Variants in SAMD5 observed in about 807,000 individuals in gnomAD.
SAMD5 encodes sterile alpha motif domain-containing protein 5.
In SAMD5, 13 loss-of-function variants were observed where a neutral mutation model predicts 11.3. That is an observed-to-expected ratio of 1.15 (90% CI 0.75 to 1.83). The LOEUF (loss-of-function observed/expected upper bound fraction) is 1.83. SAMD5 is among the 40% of genes most tolerant of loss of function. The probability of loss-of-function intolerance (pLI) is 0.00; values close to 1 mark genes in which losing one functional copy is unlikely to be tolerated. For missense variants in SAMD5, 255 were observed against 239.1 expected (o/e 1.07, Z -0.44); for synonymous variants, 129 against 111.3 (o/e 1.16, Z -1.00).
chr6:147,896,411 T>G, the SAMD5 span, among the ~76,000 whole-genome samples: 3 of 152,096 alleles, frequency 2.0e-5, no homozygotes, highest in East Asian at 5.8e-4. Flanking sequence ...CAATTCATTC[T>G]GCCTGTGGAC....
At chr6:147,618,146 A>G (rs1012063830) in intron 1 of SAMD5, among the ~76,000 whole-genome samples, 1 of 152,240 alleles carries the variant, frequency 6.6e-6, no homozygotes, top group African/African-American at 2.4e-5. Flanking sequence ...ACTAAGGCAA[A>G]GAGGTGAAGT....
intron 1 of SAMD5, among the ~76,000 whole-genome samples, chr6:147,526,939 C>T (rs545593174): frequency 6.6e-6 from 1 of 152,254 alleles, no homozygotes; most frequent in Admixed American, 6.5e-5. Context: ...ATTACCTAAC[C>T]CTGTTTATTT....
the SAMD5 span, among the ~76,000 whole-genome samples, chr6:147,903,685 G>A: frequency 6.6e-6 from 1 of 152,160 alleles, no homozygotes; most frequent in African/African-American, 2.4e-5. Context: ...AGAGGTGGGT[G>A]GATCACAAGG....
At chr6:147,730,063 T>TGACAGAGCTA in intron 1 of SAMD5, 1 of 372,682 alleles carries the variant, frequency 2.7e-6, no homozygotes, top group Non-Finnish European at 5.0e-6. Context: ...CCAGCCTGGG[T>TGACAGAGCTA]GACTCTGTCT....
At chr6:147,945,876 T>C in the SAMD5 span, among the ~76,000 whole-genome samples, 1 of 152,200 alleles carries the variant, frequency 6.6e-6, no homozygotes, top group Admixed American at 6.5e-5. Context: ...CAGCTGTTGT[T>C]GTAGCTTGTG....
At chr6:147,794,694 A>T in the SAMD5 span, among the ~76,000 whole-genome samples, 1 of 152,168 alleles carries the variant, frequency 6.6e-6, no homozygotes, top group Admixed American at 6.6e-5. Flanking sequence ...ATATGGGGTA[A>T]GGCATAGGAA....
At chr6:147,724,993 CA>C (rs1791605691) in intron 1 of SAMD5, among the ~76,000 whole-genome samples, 1 of 152,112 alleles carries the variant, frequency 6.6e-6, no homozygotes. Flanking sequence ...TCAGAACCTT[CA>C]AAACCAGTCA....
chr6:147,706,101 C>T (rs145783406), intron 1 of SAMD5, among the ~76,000 whole-genome samples: 1,586 of 152,040 alleles, frequency 0.01, 17 homozygotes, highest in Non-Finnish European at 0.016. Flanking sequence ...GTCTGTGTTG[C>T]GTGTTGTGTG....
intron 1 of SAMD5, among the ~76,000 whole-genome samples, chr6:147,596,144 C>T (rs1256745033): frequency 6.6e-6 from 1 of 152,076 alleles, no homozygotes; most frequent in African/African-American, 2.4e-5. Flanking sequence ...GGCTGGAAAA[C>T]CAGTTTATTT....
At chr6:147,820,379 GT>G in the SAMD5 span, among the ~76,000 whole-genome samples, 6 of 152,116 alleles carry the variant, frequency 3.9e-5, no homozygotes, top group Non-Finnish European at 8.8e-5. Flanking sequence ...ATTCTTTATA[GT>G]TGGAATATCC....
At chr6:147,786,712 A>G in the SAMD5 span, among the ~76,000 whole-genome samples, 2 of 152,210 alleles carry the variant, frequency 1.3e-5, no homozygotes, top group Admixed American at 1.3e-4. Flanking sequence ...AGTTGGGCTC[A>G]TTTTGATGCT....
At chr6:147,845,103 A>T in the SAMD5 span, among the ~76,000 whole-genome samples, 1 of 152,174 alleles carries the variant, frequency 6.6e-6, no homozygotes, top group Non-Finnish European at 1.5e-5. Context: ...TGTACCCCGT[A>T]AATATACAAT....
downstream of SAMD5, chr6:147,737,692 T>C (rs1791824413): frequency 6.6e-6 from 1 of 151,228 alleles, no homozygotes; most frequent in Non-Finnish European, 1.4e-5. Context: ...TTTTTTTTTT[T>C]TTTTTTTTGC....
chr6:147,909,632 C>CTTTCTT, the SAMD5 span, among the ~76,000 whole-genome samples: 4,871 of 61,084 alleles, frequency 0.08, 463 homozygotes, highest in Admixed American at 0.091. Context: ...TTCTTTCTTT[C>CTTTCTT]TCTTTCTTGT....
the SAMD5 span, among the ~76,000 whole-genome samples, chr6:147,832,144 C>T: frequency 6.6e-6 from 1 of 152,042 alleles, no homozygotes; most frequent in East Asian, 1.9e-4. Flanking sequence ...GCAATCGTTG[C>T]TATTAAATGC....
the SAMD5 span, among the ~76,000 whole-genome samples, chr6:147,901,111 T>G: frequency 6.6e-6 from 1 of 152,196 alleles, no homozygotes; most frequent in Non-Finnish European, 1.5e-5. Flanking sequence ...AACATCTCTG[T>G]GCCTCAATTT....
intron 1 of SAMD5, among the ~76,000 whole-genome samples, chr6:147,543,660 G>A (rs565944680): frequency 6.6e-6 from 1 of 152,288 alleles, no homozygotes; most frequent in East Asian, 1.9e-4. Flanking sequence ...GGTCTCTAAG[G>A]ATGAACTTAC....
chr6:147,600,749 G>A (rs753517910), intron 1 of SAMD5, among the ~76,000 whole-genome samples: 4 of 152,098 alleles, frequency 2.6e-5, no homozygotes, highest in South Asian at 2.1e-4. Flanking sequence ...ATGTTCTGTC[G>A]GATGGTAATA....
intron 1 of SAMD5, among the ~76,000 whole-genome samples, chr6:147,666,587 A>G (rs938558309): frequency 6.6e-6 from 1 of 152,142 alleles, no homozygotes; most frequent in African/African-American, 2.4e-5. Flanking sequence ...AGCCTCAGCA[A>G]GCCACACTCT....
Sources: gnomAD v4.1 joint callset for allele counts (sites outside exome capture counted in the v4.1 genomes callset) on GRCh38, gnomAD v4.1.1 for gene constraint, MANE v1.5 for transcripts, NCBI Gene and HGNC (gene_info 2026-07-23, HGNC 2026-07-21) for gene names.